Variants in POLR2B observed in about 807,000 individuals in gnomAD.
POLR2B encodes DNA-directed RNA polymerase II subunit RPB2.
POLR2B carries 57 observed loss-of-function variants against 144.6 expected under a neutral mutation model. The ratio of observed to expected loss-of-function variants is 0.39; its 90% CI spans 0.32 to 0.49. The LOEUF (loss-of-function observed/expected upper bound fraction) is 0.49. POLR2B is among the 20% of genes least tolerant of loss of function. POLR2B has a pLI of 0.83. For missense variants in POLR2B, 595 were observed against 1,467.4 expected, an observed-to-expected ratio of 0.41 and a Z score of 9.71; for synonymous variants, 442 against 469.8, an observed-to-expected ratio of 0.94 and a Z score of 0.77.
chr4:57,027,224 G>T (rs533375270), intron 23 of POLR2B, among the ~76,000 whole-genome samples: 45 of 152,184 alleles, frequency 3.0e-4, no homozygotes, highest in Non-Finnish European at 5.4e-4. Flanking sequence ...GCCCAGGCTG[G>T]TCTCAAATGG....
At chr4:57,008,558 GGAGA>G (rs1723096506) in intron 10 of POLR2B, among the ~76,000 whole-genome samples, 1 of 152,194 alleles carries the variant, frequency 6.6e-6, no homozygotes. Flanking sequence ...GCCACATGCT[GGAGA>G]TGCAGTGATC....
intron 1 of POLR2B, among the ~76,000 whole-genome samples, chr4:56,983,739 T>A (rs1299197329): frequency 6.7e-6 from 1 of 150,308 alleles, no homozygotes; most frequent in African/African-American, 2.5e-5. Context: ...AACTCCTGGG[T>A]TCAAGTGATC....
At chr4:57,006,769 T>C in intron 9 of POLR2B, 47 bp from the exon 10 acceptor site, 1 of 1,413,678 alleles carries the variant, frequency 7.1e-7, no homozygotes, top group Non-Finnish European at 9.8e-7. Context: ...TGAGAATATA[T>C]GTTGTAGACC....
chr4:57,023,142 C>CTT lies in POLR2B; in HGVS notation c.2516-179_2516-178dup. On this transcript the variant is annotated intron_variant, in intron 18 of 24. Coordinates refer to ENST00000314595, the MANE Select transcript of POLR2B (RefSeq NM_000938.3). The surrounding 1 kb of genome is among the most constrained non-coding windows in gnomAD (Gnocchi z 4.3). ...TTCCAATGTTCTTTTCCTTCATAGA[C>CTT]TTTTTTTTTTGTTTTCTGTGTGGGC... The CTT allele has an allele frequency of 2.9e-5, 13 of 452,482 alleles. No homozygotes were observed. The highest frequency in any genetic ancestry group is 1.3e-4 in the South Asian group (4 of 30,134). 28.0% of individuals were successfully genotyped at this position (452,482 alleles called of 1,614,324 possible).
At chr4:56,991,215 G>A (rs909918582) in intron 3 of POLR2B, among the ~76,000 whole-genome samples, 2 of 151,992 alleles carry the variant, frequency 1.3e-5, no homozygotes, top group African/African-American at 4.8e-5. Flanking sequence ...CTCTCACAGT[G>A]TAAAAATAAT....
chr4:57,013,324 G>C (rs1341954148), intron 13 of POLR2B, among the ~76,000 whole-genome samples: 1 of 152,144 alleles, frequency 6.6e-6, no homozygotes, highest in African/African-American at 2.4e-5. Context: ...AAGTCAGGAA[G>C]AGAGTGATTC....
At chr4:57,006,733 G>GT in intron 9 of POLR2B, 83 bp from the exon 10 acceptor site, 2 of 1,092,612 alleles carry the variant, frequency 1.8e-6, no homozygotes, top group South Asian at 3.2e-5. Flanking sequence ...CCTTCCCCAC[G>GT]CTTTTTTTTG....
In POLR2B at chr4:57,005,622, C is replaced by T. The variant is rs150789968; in HGVS notation, c.1120C>T (p.Leu374=). 8.2e-5 allele frequency: 131 copies of T among 1,599,896 alleles called. No homozygotes were observed. The Middle Eastern group carries it at 1.2e-3, about 14-fold the overall frequency. ...AAGATACATGGTTCATAGGTTACTT[C>T]TGGCAGCTTTGGGTAGAAGAGAACT... The part of the protein sequence containing the change: ...FLGYMVHRLL[L]AALGRRELDD... Residue 374 remains leucine, a synonymous_variant, in exon 9 of 25, where the codon CTG becomes TTG. Transcript: ENST00000314595.
intron 1 of POLR2B, among the ~76,000 whole-genome samples, chr4:56,981,763 TATAAAA>T (rs1225977353): frequency 6.6e-6 from 1 of 152,362 alleles, no homozygotes; most frequent in East Asian, 1.9e-4. Flanking sequence ...CAGCCAAACT[TATAAAA>T]ATAATAAGCT....
At chr4:56,996,476 G>T (rs1722695081) in intron 6 of POLR2B, among the ~76,000 whole-genome samples, 1 of 150,652 alleles carries the variant, frequency 6.6e-6, no homozygotes, top group African/African-American at 2.4e-5. Flanking sequence ...AGTAGAGATG[G>T]GGTTTCACCG....
intron 3 of POLR2B, 116 bp downstream of exon 3, chr4:56,991,014 C>T: frequency 4.4e-6 from 3 of 684,416 alleles, no homozygotes; most frequent in Non-Finnish European, 7.0e-6. Context: ...TAGCAAAGTA[C>T]TTACAGCACC....
intron 3 of POLR2B, among the ~76,000 whole-genome samples, chr4:56,992,586 G>C (rs1215045646): frequency 7.3e-6 from 1 of 136,260 alleles, no homozygotes; most frequent in Non-Finnish European, 1.5e-5. Flanking sequence ...TTGAGACAGA[G>C]TCTCGCCCTG....
At chr4:57,016,127 C>T (rs1359204926) in intron 14 of POLR2B, among the ~76,000 whole-genome samples, 1 of 152,194 alleles carries the variant, frequency 6.6e-6, no homozygotes, top group Admixed American at 6.5e-5. Flanking sequence ...GCAACCATCA[C>T]CACTATCTTA....
rs1415302017 is a variant in POLR2B at position 57,015,611 on chromosome 4, A to G, written c.1910A>G (p.Lys637Arg). The G allele has an allele frequency of 4.0e-6, 6 of 1,517,238 alleles. No homozygotes were observed. Among genetic ancestry groups the G allele is most frequent in the Non-Finnish European group, 5.3e-6 (6 of 1,121,572 alleles). 94.0% of individuals were successfully genotyped at this position (1,517,238 alleles called of 1,614,324 possible). The change falls in exon 14 of 25, where the codon AAG becomes AGG. Residue 637 changes from lysine (K) to arginine (R), a missense_variant. Around this residue, in one of 9 missense-constraint regions of POLR2B, gnomAD observed 59 missense variants for 84.2 expected, o/e 0.70. Transcript: ENST00000314595. ...GAAAAACAAAAGCTACTTTTGAAGA[A>G]GAGGCATATTGACCAATTGAAAGAG... ...IVEKQKLLLK[K>R]RHIDQLKERE...
At chr4:56,992,545 G>A (rs1457674721) in intron 3 of POLR2B, among the ~76,000 whole-genome samples, 10 of 138,910 alleles carry the variant, frequency 7.2e-5, no homozygotes, top group Non-Finnish European at 1.5e-4. Context: ...ATCAGTATGT[G>A]ATTTTGGCTT....
Position 57,024,954 on chromosome 4 carries a change from T to A in POLR2B, c.3033T>A (p.Ile1011=), listed in dbSNP as rs768188965. The change falls in exon 22 of 25, where the codon ATT becomes ATA. Residue 1011 remains isoleucine, a synonymous_variant. Coordinates refer to ENST00000314595, the MANE Select transcript of POLR2B (RefSeq NM_000938.3). ...ATGATGCTGTTAACGTGCAGAAGAT[T>A]TCTAATCTTTTATCTGATTATGGCT... ...PFNDAVNVQK[I]SNLLSDYGYH... 1.9e-6 allele frequency: 3 copies of A among 1,598,638 alleles called. No homozygotes were observed. The highest frequency in any genetic ancestry group is 2.6e-6 in the Non-Finnish European group (3 of 1,167,978).
chr4:56,990,735 A>C lies in POLR2B; in HGVS notation c.93-13A>C, dbSNP rs757638128. ...ACTGAGTTGCAACTGACTGAACTCA[A>C]ATATTTTCCCAGTTCCTATTTTGAC... On this transcript the variant is annotated splice_polypyrimidine_tract_variant and intron_variant, in intron 2 of 24. Transcript: ENST00000314595. 1.3e-6 allele frequency: 2 copies of C among 1,595,768 alleles called. No individual in the cohort carries two copies. Among genetic ancestry groups the C allele is most frequent in the Admixed American group, 3.6e-5 (2 of 55,764 alleles).
chr4:56,978,929 T>TGAA lies in POLR2B; in HGVS notation c.-56_-55insAAG. On this transcript the variant is annotated 5_prime_UTR_variant, in exon 1 of 25. Coordinates refer to ENST00000314595, the MANE Select transcript of POLR2B (RefSeq NM_000938.3). ...TTTAGCTCCTGGCGCTGCTGGCTTC[T>TGAA]GGGCGGTTTTTGTCTTTTGATTTCA... is the stretch of plus-strand genomic sequence containing the variant. 6.4e-7 allele frequency: 1 copy of TGAA among 1,566,092 alleles called. No individual in the cohort carries two copies. The highest frequency in any genetic ancestry group is 1.8e-4 in the Middle Eastern group (1 of 5,648).
At chr4:57,013,331 A>G (rs1723256560) in intron 13 of POLR2B, among the ~76,000 whole-genome samples, 1 of 152,034 alleles carries the variant, frequency 6.6e-6, no homozygotes, top group African/African-American at 2.4e-5. Context: ...GAAGAGAGTG[A>G]TTCACTTGAG....
Sources: gnomAD v4.1 joint callset for allele counts (sites outside exome capture counted in the v4.1 genomes callset) on GRCh38, gnomAD v4.1.1 for gene constraint, gnomAD v4.1.1 regional missense constraint, Gnocchi (gnomAD v3.1) non-coding constraint, MANE v1.5 for transcripts, NCBI Gene and HGNC (gene_info 2026-07-23, HGNC 2026-07-21) for gene names.